EVC2: variants seen among roughly 807,000 people sequenced by gnomAD.
The protein encoded by EVC2 is limbin.
In EVC2, 148 loss-of-function variants were observed where a neutral mutation model predicts 149.3. That is an observed-to-expected ratio of 0.99 (90% CI 0.87 to 1.14). EVC2 has a LOEUF of 1.14. Among genes scored for constraint, EVC2 ranks in the 50% most tolerant of loss-of-function variants. EVC2 has a pLI of 0.00. For missense variants in EVC2, 1,854 were observed against 1,627.3 expected (o/e 1.14, Z -2.40); for synonymous variants, 776 against 649.9 (o/e 1.19, Z -2.95).
rs4282111 is a variant in EVC2, at chr4:5,617,494, C to G, written c.2706+984G>C. ...AACAAAATTTACTGTGCACCTACTA[C>G]GCACTTAGCACCCTTGAGTGGTGAA... On this transcript the variant is annotated intron_variant, in intron 15 of 21. Transcript: ENST00000344408. 2.8e-3 allele frequency among the ~76,000 whole-genome samples: 430 copies of G among 152,204 alleles called. 1 individual carries two copies. The highest frequency in any genetic ancestry group is 4.4e-3 in the Non-Finnish European group (302 of 68,008).
intron 9 of EVC2, among the ~76,000 whole-genome samples, chr4:5,645,209 T>C (rs1427311431): frequency 6.6e-6 from 1 of 152,120 alleles, no homozygotes; most frequent in Non-Finnish European, 1.5e-5. Context: ...TGCATTATAT[T>C]TCCCATCAAC....
downstream of EVC2, among the ~76,000 whole-genome samples, chr4:5,541,214 C>T (rs953969): frequency 0.45 from 68,026 of 151,920 alleles, 17,265 homozygotes; most frequent in East Asian, 0.9. Flanking sequence ...CACAACTATT[C>T]ATTGACTGCC....
chr4:5,551,319 A>T (rs1171644759), intron 21 of EVC2, among the ~76,000 whole-genome samples: 1 of 152,312 alleles, frequency 6.6e-6, no homozygotes, highest in South Asian at 2.1e-4. Flanking sequence ...AGACTAGGGG[A>T]ACTCACCTCT....
At chr4:5,639,039 G>A (rs937494837) in intron 10 of EVC2, among the ~76,000 whole-genome samples, 4 of 152,200 alleles carry the variant, frequency 2.6e-5, no homozygotes, top group East Asian at 3.9e-4. Flanking sequence ...AGGCAAGGGA[G>A]GCCCCAGGAG....
intron 1 of EVC2, among the ~76,000 whole-genome samples, chr4:5,707,480 T>A (rs779347666): frequency 6.6e-6 from 1 of 151,464 alleles, no homozygotes; most frequent in Non-Finnish European, 1.5e-5. Flanking sequence ...TCAGGGGCAA[T>A]AAGGTGGAGA....
chr4:5,546,079 G>A (rs1442909158), intron 21 of EVC2, among the ~76,000 whole-genome samples: 1 of 152,190 alleles, frequency 6.6e-6, no homozygotes, highest in Non-Finnish European at 1.5e-5. Flanking sequence ...TGCTGGAGAG[G>A]ATGTGGAGAA....
intron 21 of EVC2, among the ~76,000 whole-genome samples, chr4:5,556,500 A>C (rs1403956614): frequency 1.3e-5 from 2 of 152,088 alleles, no homozygotes; most frequent in Admixed American, 1.3e-4. Context: ...TAAAGACCTA[A>C]AATTAATAAT....
intron 21 of EVC2, among the ~76,000 whole-genome samples, chr4:5,551,304 G>C (rs545055666): frequency 7.3e-4 from 111 of 152,346 alleles, no homozygotes; most frequent in Non-Finnish European, 1.4e-3. Context: ...GGGTAGAGTT[G>C]CCCAAGACTA....
At chr4:5,632,878 CT>C (rs1228420884) in intron 10 of EVC2, among the ~76,000 whole-genome samples, 1 of 152,192 alleles carries the variant, frequency 6.6e-6, no homozygotes, top group Non-Finnish European at 1.5e-5. Flanking sequence ...GGAATGGCCC[CT>C]GATCCCCAGG....
At chr4:5,551,911 G>A (rs112114885) in intron 21 of EVC2, among the ~76,000 whole-genome samples, 3,129 of 152,226 alleles carry the variant, frequency 0.021, 110 homozygotes, top group African/African-American at 0.072. Context: ...CATGTAAGAT[G>A]TGACTTGCTC....
At chr4:5,603,474 G>C (rs1714152984) in intron 16 of EVC2, among the ~76,000 whole-genome samples, 1 of 152,164 alleles carries the variant, frequency 6.6e-6, no homozygotes, top group East Asian at 1.9e-4. Context: ...GTTCTCTCTT[G>C]TCAGGTCACT....
At chr4:5,586,553 G>C (rs1712296558) in intron 16 of EVC2, among the ~76,000 whole-genome samples, 2 of 152,226 alleles carry the variant, frequency 1.3e-5, no homozygotes, top group South Asian at 4.2e-4. Flanking sequence ...AGATAGAACA[G>C]ACTCTTTAAG....
At chr4:5,538,192 A>C (rs1030898976), downstream of EVC2, among the ~76,000 whole-genome samples, 2 of 152,186 alleles carry the variant, frequency 1.3e-5, no homozygotes, top group African/African-American at 4.8e-5. Flanking sequence ...AGAATAATAA[A>C]ATATTATGAA....
chr4:5,568,779 G>C (rs763259284), intron 19 of EVC2, 139 bp from the exon 20 acceptor site: 39 of 1,117,332 alleles, frequency 3.5e-5, no homozygotes, highest in Non-Finnish European at 4.8e-5. Flanking sequence ...ACATGTTCCC[G>C]AACTTTCAGA....
Position 5,618,679 on chromosome 4 carries a change from C to T in EVC2, c.2505G>A (p.Lys835=), listed in dbSNP as rs527993206. Residue 835 remains lysine (K), a synonymous_variant, in exon 15 of 22, where the codon AAG becomes AAA. Coordinates refer to ENST00000344408, the MANE Select transcript of EVC2 (RefSeq NM_147127.5). The surrounding 1 kb of genome is among the most constrained non-coding windows in gnomAD (Gnocchi z 4.4). ...ACAGGGAGAAGACTGAGGAGCAGAG[C>T]TTCCTGGGAGGAAGAACAGAGACAC... ...LRRWEHLIFM[K]LCSSVFSLSE... is the part of the protein sequence containing the mutation. 4.4e-6 allele frequency: 7 copies of T among 1,593,506 alleles called. No homozygotes were observed. Among genetic ancestry groups the T allele is most frequent in the Middle Eastern group, 1.7e-4 (1 of 6,032 alleles).
At chr4:5,627,316 G>A (rs1577177400) in intron 12 of EVC2, among the ~76,000 whole-genome samples, 2 of 152,196 alleles carry the variant, frequency 1.3e-5, no homozygotes, top group African/African-American at 4.8e-5. Flanking sequence ...ATCTTTCCCT[G>A]GTGACTGCTC....
At chr4:5,700,801 C>T (rs1721776096) in intron 1 of EVC2, among the ~76,000 whole-genome samples, 1 of 152,228 alleles carries the variant, frequency 6.6e-6, no homozygotes, top group African/African-American at 2.4e-5. Context: ...TCTCTCCAAG[C>T]TGACACAGCT....
intron 21 of EVC2, among the ~76,000 whole-genome samples, chr4:5,553,845 A>C (rs143045156): frequency 6.6e-6 from 1 of 152,338 alleles, no homozygotes; most frequent in Non-Finnish European, 1.5e-5. Flanking sequence ...GCACCCAATA[A>C]TGTAAAACTG....
At chr4:5,580,666 G>A (rs926530381) in intron 17 of EVC2, among the ~76,000 whole-genome samples, 3 of 152,184 alleles carry the variant, frequency 2.0e-5, no homozygotes, top group Non-Finnish European at 2.9e-5. Flanking sequence ...GCAGTGATCC[G>A]CCTCCACGCT....
Sources: allele counts gnomAD v4.1 joint callset (sites outside exome capture counted in the v4.1 genomes callset), GRCh38; gene constraint gnomAD v4.1.1; non-coding constraint Gnocchi (gnomAD v3.1); transcripts MANE v1.5; gene names NCBI Gene and HGNC (gene_info 2026-07-23, HGNC 2026-07-21).